SUMF1: variants seen among roughly 807,000 people sequenced by gnomAD.
SUMF1 encodes the protein formylglycine-generating enzyme.
Under a neutral mutation model 47.6 loss-of-function variants are expected in SUMF1, and 48 were observed. That is an observed-to-expected ratio of 1.01 (90% CI 0.80 to 1.28). The LOEUF (loss-of-function observed/expected upper bound fraction) is 1.28. Ranked by LOEUF, SUMF1 falls within the 50% of genes most tolerant of loss-of-function variation. SUMF1 has a pLI of 0.00. For missense variants in SUMF1, 571 were observed against 485.4 expected, an observed-to-expected ratio of 1.18 and a Z score of -1.66; for synonymous variants, 230 against 192.1, an observed-to-expected ratio of 1.20 and a Z score of -1.63.
intron 8 of SUMF1, among the ~76,000 whole-genome samples, chr3:4,211,608 A>C (rs1695796756): frequency 6.6e-6 from 1 of 152,142 alleles, no homozygotes; most frequent in African/African-American, 2.4e-5. Context: ...AAAAACATAG[A>C]CAAGTTCAAC....
chr3:4,212,301 G>T lies in SUMF1; in HGVS notation c.1015-143556C>A, dbSNP rs565899388. 6.6e-5 allele frequency among the ~76,000 whole-genome samples: 10 copies of T among 152,238 alleles called. No homozygotes were observed. The South Asian group carries it at 2.1e-3, about 32-fold the overall frequency. Reference sequence around the variant, plus strand: ...ACCCAGGCAAACAGCATCGGGAGTGGACCTCCAGCAAACTCCAGCAGACCT... The same window carrying T: ...ACCCAGGCAAACAGCATCGGGAGTGTACCTCCAGCAAACTCCAGCAGACCT... On this transcript the variant is annotated intron_variant and NMD_transcript_variant, in intron 8 of 12. Transcript: ENST00000448413.
intron 8 of SUMF1, among the ~76,000 whole-genome samples, chr3:4,338,687 A>T (rs1699204891): frequency 6.6e-6 from 1 of 152,140 alleles, no homozygotes; most frequent in Non-Finnish European, 1.5e-5. Context: ...TTTGAATGAC[A>T]GAGTCTATGT....
chr3:4,313,109 G>T, intron 8 of SUMF1: 2 of 1,613,964 alleles, frequency 1.2e-6, no homozygotes, highest in Non-Finnish European at 1.7e-6. Flanking sequence ...GTCCTGTGCC[G>T]ATGCAGTGAC....
intron 2 of SUMF1, among the ~76,000 whole-genome samples, chr3:4,450,640 A>C (rs1156974576): frequency 2.0e-5 from 3 of 152,218 alleles, no homozygotes; most frequent in African/African-American, 7.2e-5. Context: ...GTGGGAGCAC[A>C]GAAAAAAATC....
chr3:4,344,579 T>C (rs945308804), intron 8 of SUMF1, among the ~76,000 whole-genome samples: 2 of 152,060 alleles, frequency 1.3e-5, no homozygotes, highest in Non-Finnish European at 2.9e-5. Flanking sequence ...AAGATGAGAA[T>C]CAATGAAAAA....
chr3:4,176,408 C>T (rs1224664159), intron 8 of SUMF1, among the ~76,000 whole-genome samples: 1 of 152,020 alleles, frequency 6.6e-6, no homozygotes, highest in Non-Finnish European at 1.5e-5. Context: ...AAAAGAATTT[C>T]CAAAACAGAA....
intron 8 of SUMF1, among the ~76,000 whole-genome samples, chr3:4,241,982 C>T (rs1037481355): frequency 6.6e-6 from 1 of 152,074 alleles, no homozygotes; most frequent in Non-Finnish European, 1.5e-5. Flanking sequence ...TTGGCTGGCA[C>T]CATGTAGTCC....
At chr3:4,157,983 A>T (rs538673020) in intron 8 of SUMF1, among the ~76,000 whole-genome samples, 2 of 151,730 alleles carry the variant, frequency 1.3e-5, no homozygotes, top group South Asian at 4.1e-4. Context: ...GAAGTTTAAT[A>T]TATCACAGAA....
intron 8 of SUMF1, among the ~76,000 whole-genome samples, chr3:4,270,613 T>C (rs1697284266): frequency 6.6e-6 from 1 of 152,158 alleles, no homozygotes; most frequent in Non-Finnish European, 1.5e-5. Flanking sequence ...CTTCAATTTA[T>C]GGGAAGAAGA....
At chr3:4,146,722 T>C (rs764637032) in intron 8 of SUMF1, among the ~76,000 whole-genome samples, 101 of 150,706 alleles carry the variant, frequency 6.7e-4, no homozygotes, top group Non-Finnish European at 1.1e-3. Context: ...GTGTGTGATG[T>C]TCCCCTTCCT....
chr3:4,239,960 G>T (rs934191540), intron 8 of SUMF1, among the ~76,000 whole-genome samples: 1 of 152,194 alleles, frequency 6.6e-6, no homozygotes, highest in South Asian at 2.1e-4. Context: ...CTAGTTTATT[G>T]AGAGTTTTTA....
At chr3:4,222,780 G>GGCAATTC (rs1696095319) in intron 8 of SUMF1, among the ~76,000 whole-genome samples, 2 of 152,120 alleles carry the variant, frequency 1.3e-5, no homozygotes, top group Non-Finnish European at 1.5e-5. Flanking sequence ...CAGGATTCCT[G>GGCAATTC]AGTCATTGCC....
intron 8 of SUMF1, among the ~76,000 whole-genome samples, chr3:4,276,594 AG>A (rs1279003762): frequency 6.6e-6 from 1 of 152,166 alleles, no homozygotes; most frequent in Non-Finnish European, 1.5e-5. Context: ...ATGATTTATC[AG>A]TTCCTTCTCA....
At chr3:4,043,533 A>AC (rs1455766740) in intron 9 of SUMF1, among the ~76,000 whole-genome samples, 1 of 151,126 alleles carries the variant, frequency 6.6e-6, no homozygotes, top group African/African-American at 2.4e-5. Context: ...GTCATAAGCC[A>AC]CCCCCCATTC....
At chr3:4,345,980 A>G (rs1365388754) in intron 8 of SUMF1, among the ~76,000 whole-genome samples, 2 of 152,190 alleles carry the variant, frequency 1.3e-5, no homozygotes, top group African/African-American at 4.8e-5. Flanking sequence ...AGAGCTAACT[A>G]TCCTGAATGT....
chr3:4,401,276 C>T (rs950081921), intron 7 of SUMF1, among the ~76,000 whole-genome samples: 9 of 152,074 alleles, frequency 5.9e-5, no homozygotes, highest in African/African-American at 9.7e-5. Flanking sequence ...AATAAACATA[C>T]GTGTGCATAT....
At chr3:4,271,296 T>C (rs1697296611) in intron 8 of SUMF1, among the ~76,000 whole-genome samples, 1 of 152,156 alleles carries the variant, frequency 6.6e-6, no homozygotes, top group Non-Finnish European at 1.5e-5. Flanking sequence ...GACTTGTTTC[T>C]CCTTGGTGTT....
intron 8 of SUMF1, among the ~76,000 whole-genome samples, chr3:4,253,470 G>A (rs1164541409): frequency 2.0e-5 from 3 of 152,164 alleles, no homozygotes; most frequent in Non-Finnish European, 4.4e-5. Context: ...GGGTCAGGGA[G>A]TTCCCTTTCC....
intron 8 of SUMF1, among the ~76,000 whole-genome samples, chr3:4,185,123 A>G (rs1480798630): frequency 6.6e-6 from 1 of 152,220 alleles, no homozygotes; most frequent in Non-Finnish European, 1.5e-5. Context: ...GATTGTTTAC[A>G]TATCATCTTC....
Sources: allele counts gnomAD v4.1 joint callset (sites outside exome capture counted in the v4.1 genomes callset), GRCh38; gene constraint gnomAD v4.1.1; transcripts MANE v1.5; gene names NCBI Gene and HGNC (gene_info 2026-07-23, HGNC 2026-07-21).